Variants in HS3ST6 observed in about 807,000 individuals in gnomAD.
HS3ST6 encodes the protein heparan sulfate glucosamine 3-O-sulfotransferase 6.
Under a neutral mutation model 11.0 loss-of-function variants are expected in HS3ST6, and 13 were observed. That is an observed-to-expected ratio of 1.18 (90% CI 0.77 to 1.88). HS3ST6 has a LOEUF of 1.88. Among genes scored for constraint, HS3ST6 ranks in the 40% most tolerant of loss-of-function variants. HS3ST6 has a pLI of 0.00. For synonymous variants in HS3ST6, 232 were observed against 230.6 expected (o/e 1.01, Z -0.06); for missense variants, 541 against 494.4 (o/e 1.09, Z -0.89).
Position 1,911,942 on chromosome 16 carries a change from C to T in HS3ST6, c.677G>A (p.Gly226Asp). ...GTGGTCCAGGTGCTGGGCGTACAGGCCGATGCGGACGGCGCTCCAGGCTGT... is the reference window on the plus strand; with the variant it reads ...GTGGTCCAGGTGCTGGGCGTACAGGTCGATGCGGACGGCGCTCCAGGCTGT... The part of the protein sequence containing the change: ...VDTAWSAVRI[G>D]LYAQHLDHWL... Residue 226 changes from glycine (G) to aspartate (D), a missense_variant, in exon 2 of 2, where the codon GGC (glycine) becomes GAC (aspartate). Transcript: ENST00000454677. The T allele has an allele frequency of 6.3e-7, 1 of 1,586,804 alleles. No individual in the cohort carries two copies. The highest frequency in any genetic ancestry group is 8.6e-7 in the Non-Finnish European group (1 of 1,165,254).
At chr16:1,918,828 T>C (rs899635200), upstream of HS3ST6, among the ~76,000 whole-genome samples, 3 of 151,516 alleles carry the variant, frequency 2.0e-5, no homozygotes, top group African/African-American at 7.3e-5. The surrounding 1 kb of genome is among the most constrained non-coding windows in gnomAD (Gnocchi z 6.0). Context: ...GGGAGCCTCA[T>C]CGCCAGGCCA....
intron 1 of HS3ST6, among the ~76,000 whole-genome samples, chr16:1,913,836 C>T (rs1165765566): frequency 6.6e-6 from 1 of 152,154 alleles, no homozygotes; most frequent in African/African-American, 2.4e-5. Flanking sequence ...CAGTGGGGTG[C>T]TCGGTGGAGA....
intron 1 of HS3ST6, among the ~76,000 whole-genome samples, chr16:1,917,622 G>A (rs1206780516): frequency 6.6e-6 from 1 of 152,184 alleles, no homozygotes; most frequent in Non-Finnish European, 1.5e-5. Context: ...CCTCTGGGCT[G>A]GGAAGCCACC....
At chr16:1,916,109 C>A (rs977428200) in intron 1 of HS3ST6, among the ~76,000 whole-genome samples, 1 of 60,788 alleles carries the variant, frequency 1.6e-5, no homozygotes, top group African/African-American at 6.0e-5. Context: ...TCCTAGCAGG[C>A]TGAAAGGACG....
rs866155627 is a variant in HS3ST6, at chr16:1,917,968, A to G, written c.356T>C (p.Leu119Pro). 1 of 1,526,186 alleles carries G rather than the reference A, an allele frequency of 6.6e-7. No homozygotes were observed. Among genetic ancestry groups the G allele is most frequent in the South Asian group, 1.2e-5 (1 of 82,098 alleles). The allele number at this position is 1,526,186 out of a possible 1,614,324, so 94.5% of individuals were successfully genotyped here. A position where few individuals can be genotyped will look rare whatever the true frequency, so the allele number is the denominator to read the frequency against. ...GTCGAAGAAGTGGGGCTCAGAGCCC[A>G]GCGCGCGGACGTCGGGGTGCAGCCG... Reference protein sequence around the residue: ...FLRLHPDVRALGSEPHFFDRC... With the variant: ...FLRLHPDVRAPGSEPHFFDRC... The change falls in exon 1 of 2, where the codon CTG becomes CCG. Residue 119 changes from leucine (L) to proline (P), a missense_variant. Physicochemically the swap from Leu to Pro is moderately conservative, Grantham distance 98 (BLOSUM62 -3). Coordinates refer to ENST00000454677, the MANE Select transcript of HS3ST6 (RefSeq NM_001009606.4).
intron 1 of HS3ST6, among the ~76,000 whole-genome samples, chr16:1,913,217 C>T (rs1440058600): frequency 1.3e-5 from 2 of 152,236 alleles, no homozygotes; most frequent in Non-Finnish European, 2.9e-5. Flanking sequence ...CGGCGCCGGC[C>T]GGAGGATCCT....
In HS3ST6 at chr16:1,917,910, C is replaced by A; in HGVS notation, c.413+1G>T. The A allele has an allele frequency of 6.8e-7, 1 of 1,464,394 alleles. No homozygotes were observed. The highest frequency in any genetic ancestry group is 9.0e-7 in the Non-Finnish European group (1 of 1,108,988). 90.7% of individuals were successfully genotyped at this position (1,464,394 alleles called of 1,614,324 possible). On this transcript the variant is annotated splice_donor_variant, in intron 1 of 1. Transcript: ENST00000454677. LOFTEE classifies it high-confidence loss of function. ...CAGGGCGGACGGGCCAGGGTGCTCA[C>A]CGGTACCAGGCGAGGCCGCGCTCGT...
intron 1 of HS3ST6, among the ~76,000 whole-genome samples, chr16:1,914,254 C>T (rs2082911566): frequency 1.3e-5 from 2 of 152,172 alleles, no homozygotes; most frequent in African/African-American, 2.4e-5. Context: ...GCGTGGGAGC[C>T]GCACCCAGCG....
intron 1 of HS3ST6, among the ~76,000 whole-genome samples, chr16:1,914,209 T>G (rs1316142361): frequency 6.6e-6 from 1 of 152,060 alleles, no homozygotes; most frequent in East Asian, 1.9e-4. Context: ...CCAGAGCCCC[T>G]GCACTCCCCG....
At chr16:1,916,787 C>T (rs1190814280) in intron 1 of HS3ST6, among the ~76,000 whole-genome samples, 2 of 150,442 alleles carry the variant, frequency 1.3e-5, no homozygotes, top group Non-Finnish European at 3.0e-5. Flanking sequence ...TCCTCCCCAG[C>T]TTCTAGCTTG....
At position 1,912,644 on chromosome 16, in the gene HS3ST6, G is replaced by A. The variant is rs892928162; in HGVS notation, c.414-439C>T. On this transcript the variant is annotated intron_variant, in intron 1 of 1. Coordinates refer to ENST00000454677, the MANE Select transcript of HS3ST6 (RefSeq NM_001009606.4). The surrounding 1 kb of genome is among the most constrained non-coding windows in gnomAD (Gnocchi z 5.6). ...TCCCAGACCAAGTACCCCGAGGCCC[G>A]CCCGCCTAGATCACTTGAGGTCACC... 2.2e-4 allele frequency among the ~76,000 whole-genome samples: 34 copies of A among 151,860 alleles called. No individual in the cohort carries two copies. Among genetic ancestry groups the A allele is most frequent in the Non-Finnish European group, 4.7e-4 (32 of 67,950 alleles).
Position 1,917,925 on chromosome 16 carries a change from G to A in HS3ST6, c.399C>T (p.Gly133=). ...PHFFDRCYER[G]LAWYRSLMPR... The stretch of plus-strand genomic sequence containing the variant: ...AGGGTGCTCACCGGTACCAGGCGAG[G>A]CCGCGCTCGTAGCACCTGTCGAAGA... The change falls in exon 1 of 2, where the codon GGC becomes GGT. Residue 133 remains glycine, a synonymous_variant. Coordinates refer to ENST00000454677, the MANE Select transcript of HS3ST6 (RefSeq NM_001009606.4). The A allele has an allele frequency of 6.7e-7, 1 of 1,483,878 alleles. No homozygotes were observed. Among genetic ancestry groups the A allele is most frequent in the Non-Finnish European group, 8.9e-7 (1 of 1,119,214 alleles). 91.9% of individuals were successfully genotyped at this position (1,483,878 alleles called of 1,614,324 possible). A position where few individuals can be genotyped will look rare whatever the true frequency, so the allele number is the denominator to read the frequency against.
chr16:1,918,164 C>G lies in HS3ST6; in HGVS notation c.160G>C (p.Ala54Pro). 1 of 1,134,910 alleles carries G rather than the reference C, an allele frequency of 8.8e-7. No individual in the cohort carries two copies. Among genetic ancestry groups the G allele is most frequent in the Non-Finnish European group, 1.1e-6 (1 of 927,982 alleles). The allele number at this position is 1,134,910 out of a possible 1,614,324, so 70.3% of individuals were successfully genotyped here. A position where few individuals can be genotyped will look rare whatever the true frequency, so the allele number is the denominator to read the frequency against. Residue 54 changes from alanine (A) to proline (P), a missense_variant, in exon 1 of 2, where the codon GCC becomes CCC. By Grantham distance (27) the Ala-to-Pro change is conservative. Transcript: ENST00000454677. This position sits in a 1 kb window ranked among gnomAD's most constrained non-coding sequence, Gnocchi z 6.0. ...GGGGCCGGCGCGGGGGCGCGGGCGG[C>G]CGGCGGGCAGCGGCCGGGGAGGGCG... Reference protein sequence around the residue: ...LCALPGRCPPAARAPAPAPAP... With the variant: ...LCALPGRCPPPARAPAPAPAP...
intron 1 of HS3ST6, among the ~76,000 whole-genome samples, chr16:1,914,447 G>A (rs77986678): frequency 0.01 from 1,577 of 152,288 alleles, 26 homozygotes; most frequent in African/African-American, 0.035. Context: ...AAAGACCCCA[G>A]GCCTCATGAG....
chr16:1,919,604 G>A (rs1290307880), upstream of HS3ST6, among the ~76,000 whole-genome samples: 1 of 152,262 alleles, frequency 6.6e-6, no homozygotes, highest in Non-Finnish European at 1.5e-5. Context: ...CCCCTGTCCT[G>A]GGCTCTGCTG....
chr16:1,916,303 G>A (rs1197945270), intron 1 of HS3ST6, among the ~76,000 whole-genome samples: 1 of 152,140 alleles, frequency 6.6e-6, no homozygotes, highest in Non-Finnish European at 1.5e-5. Flanking sequence ...CCACGGGACT[G>A]ACCCCTTGGA....
At position 1,912,190 on chromosome 16, in the gene HS3ST6, T is replaced by A; in HGVS notation, c.429A>T (p.Arg143=). The part of the protein sequence containing the change: ...GLAWYRSLMP[R]TLDGQITMEK... ...CCATGGTGATCTGCCCATCCAGGGT[T>A]CGGGGCATCAGACTCCTGCGGGACG... is the stretch of plus-strand genomic sequence containing the variant. The change falls in exon 2 of 2, where the codon CGA becomes CGT. Residue 143 remains arginine (R), a synonymous_variant. Coordinates refer to ENST00000454677, the MANE Select transcript of HS3ST6 (RefSeq NM_001009606.4). This position sits in a 1 kb window ranked among gnomAD's most constrained non-coding sequence, Gnocchi z 5.6. 1 of 1,438,456 alleles carries A rather than the reference T, an allele frequency of 7.0e-7. No individual in the cohort carries two copies. The highest frequency in any genetic ancestry group is 9.1e-7 in the Non-Finnish European group (1 of 1,095,684). 89.1% of individuals were successfully genotyped at this position (1,438,456 alleles called of 1,614,324 possible). A position where few individuals can be genotyped will look rare whatever the true frequency, so the allele number is the denominator to read the frequency against.
At chr16:1,915,851 A>G (rs1425440266) in intron 1 of HS3ST6, among the ~76,000 whole-genome samples, 1 of 152,160 alleles carries the variant, frequency 6.6e-6, no homozygotes, top group Non-Finnish European at 1.5e-5. Flanking sequence ...TCAATCCAGG[A>G]CCCAACTGCC....
In HS3ST6 at chr16:1,912,329, C is replaced by T; in HGVS notation, c.414-124G>A. 1 of 910,670 alleles carries T rather than the reference C, an allele frequency of 1.1e-6. No homozygotes were observed. The highest frequency in any genetic ancestry group is 5.0e-5 in the South Asian group (1 of 20,084). The allele number at this position is 910,670 out of a possible 1,614,324, so 56.4% of individuals were successfully genotyped here. A position where few individuals can be genotyped will look rare whatever the true frequency, so the allele number is the denominator to read the frequency against. ...AGGCCTCCAGGGCGAGCAAGTCTTC[C>T]TCCCTGCTCGGGCCCACCCCTGCTA... On this transcript the variant is annotated intron_variant, in intron 1 of 1. Transcript: ENST00000454677. The surrounding 1 kb of genome is among the most constrained non-coding windows in gnomAD (Gnocchi z 5.6).
Sources: gnomAD v4.1 joint callset for allele counts (sites outside exome capture counted in the v4.1 genomes callset) on GRCh38, gnomAD v4.1.1 for gene constraint, Gnocchi (gnomAD v3.1) non-coding constraint, MANE v1.5 for transcripts, NCBI Gene and HGNC (gene_info 2026-07-23, HGNC 2026-07-21) for gene names.